Variants in DKK3 observed in about 807,000 individuals in gnomAD.
DKK3 encodes the protein dickkopf Wnt signaling pathway inhibitor 3.
A neutral mutation model predicts 33.2 loss-of-function variants in DKK3; 22 were observed. The ratio of observed to expected loss-of-function variants is 0.66; its 90% CI spans 0.47 to 0.95. DKK3 has a LOEUF of 0.95. DKK3 is among the 40% of genes least tolerant of loss of function. The pLI is 0.00. For missense variants in DKK3, 398 were observed against 458.4 expected (o/e 0.87, Z 1.20); for synonymous variants, 194 against 188.8 (o/e 1.03, Z -0.23).
At chr11:11,965,377 C>T (rs144457435) in intron 6 of DKK3, among the ~76,000 whole-genome samples, 1,628 of 152,320 alleles carry the variant, frequency 0.011, 28 homozygotes, top group African/African-American at 0.037. Flanking sequence ...AGGCTTGAGC[C>T]TCATGCCTCA....
upstream of DKK3, chr11:12,009,505 G>T: frequency 1.1e-6 from 1 of 932,438 alleles, no homozygotes; most frequent in African/African-American, 1.8e-5. Context: ...TCAGCGACCA[G>T]CTCTACCGAA....
At chr11:11,999,267 G>A (rs1311309169) in intron 2 of DKK3, among the ~76,000 whole-genome samples, 2 of 152,192 alleles carry the variant, frequency 1.3e-5, no homozygotes, top group Non-Finnish European at 2.9e-5. Flanking sequence ...TAAGTATAAT[G>A]AGAGACTTGT....
In DKK3 at chr11:11,964,684, T is replaced by C. The variant is rs779382266; in HGVS notation, c.833A>G (p.His278Arg). Residue 278 changes from histidine to arginine, a missense_variant and splice_region_variant, in exon 7 of 7, where the codon CAC (histidine) becomes CGC (arginine). His to Arg is a conservative substitution (Grantham distance 29). Transcript: ENST00000683431. ...ASGLLCQPHS[H>R]SLVYVCKPTF... ...CGGCTTGCACACATACACCAGGCTG[T>C]GGCTGGGGAGAGATGGGACAAAGCC... 19 of 1,613,092 alleles carry C rather than the reference T, an allele frequency of 1.2e-5. No individual in the cohort carries two copies. The highest frequency in any genetic ancestry group is 1.7e-5 in the Admixed American group (1 of 59,880).
At chr11:12,000,175 G>C (rs1294701847) in intron 2 of DKK3, among the ~76,000 whole-genome samples, 1 of 135,280 alleles carries the variant, frequency 7.4e-6, no homozygotes, top group Non-Finnish European at 1.6e-5. Flanking sequence ...CATAAGACTA[G>C]TGTTTTTTGT....
chr11:11,983,178 T>C (rs1277620315), intron 3 of DKK3, among the ~76,000 whole-genome samples: 3 of 152,242 alleles, frequency 2.0e-5, no homozygotes, highest in Non-Finnish European at 2.9e-5. Flanking sequence ...CCTTTTTAGA[T>C]GAGTCAGTGA....
chr11:11,985,545 A>G (rs1175848509), intron 3 of DKK3, among the ~76,000 whole-genome samples: 1 of 152,206 alleles, frequency 6.6e-6, no homozygotes, highest in African/African-American at 2.4e-5. Flanking sequence ...CCACCATCTG[A>G]TCATTTTGCA....
intron 1 of DKK3, among the ~76,000 whole-genome samples, chr11:12,002,880 A>G (rs1166245631): frequency 1.3e-5 from 2 of 152,170 alleles, no homozygotes; most frequent in African/African-American, 4.8e-5. Context: ...GTCTCTCTCT[A>G]AGGGCATTCT....
At chr11:11,969,752 C>G (rs543291485) in intron 3 of DKK3, among the ~76,000 whole-genome samples, 1 of 152,328 alleles carries the variant, frequency 6.6e-6, no homozygotes, top group South Asian at 2.1e-4. Flanking sequence ...GCAGCTGCCT[C>G]CAGTCCCCTT....
chr11:11,989,157 T>C (rs113640702), intron 3 of DKK3, among the ~76,000 whole-genome samples: 5 of 152,174 alleles, frequency 3.3e-5, no homozygotes, highest in African/African-American at 9.7e-5. Context: ...CTCAGAACAT[T>C]AAAAATAGAA....
intron 3 of DKK3, among the ~76,000 whole-genome samples, chr11:11,982,837 T>C (rs995388427): frequency 1.3e-5 from 2 of 152,196 alleles, no homozygotes; most frequent in African/African-American, 2.4e-5. Flanking sequence ...CCCCTTTCTC[T>C]CAAACACGGC....
intron 2 of DKK3, among the ~76,000 whole-genome samples, chr11:11,999,473 A>G (rs896984028): frequency 2.0e-5 from 3 of 152,232 alleles, no homozygotes; most frequent in Admixed American, 6.5e-5. Context: ...TACTAAAAAT[A>G]CAAAATTTAG....
chr11:11,974,862 C>T (rs1847799196), intron 3 of DKK3, among the ~76,000 whole-genome samples: 2 of 151,948 alleles, frequency 1.3e-5, no homozygotes, highest in Admixed American at 1.3e-4. Flanking sequence ...CAAGATCGCA[C>T]CACTGCACTC....
intron 3 of DKK3, among the ~76,000 whole-genome samples, chr11:11,988,519 C>T (rs117065199): frequency 1.4e-4 from 21 of 152,298 alleles, no homozygotes; most frequent in South Asian, 8.3e-4. Flanking sequence ...GCCTACCTCC[C>T]GGGAAGCCCT....
At chr11:12,007,574 A>G (rs941166689) in intron 1 of DKK3, among the ~76,000 whole-genome samples, 6 of 152,248 alleles carry the variant, frequency 3.9e-5, no homozygotes, top group African/African-American at 1.4e-4. Flanking sequence ...GGCAGAAGCT[A>G]GGCAAAGCTT....
At chr11:11,989,694 C>T (rs1332140350) in intron 3 of DKK3, among the ~76,000 whole-genome samples, 2 of 152,106 alleles carry the variant, frequency 1.3e-5, no homozygotes, top group African/African-American at 4.8e-5. Flanking sequence ...TTATATGTGT[C>T]AACATTGTTA....
In DKK3 at chr11:11,964,540, C is replaced by A; in HGVS notation, c.977G>T (p.Arg326Met). 1 of 1,614,140 alleles carries A rather than the reference C, an allele frequency of 6.2e-7. No homozygotes were observed. The highest frequency in any genetic ancestry group is 8.5e-7 in the Non-Finnish European group (1 of 1,180,008). The change falls in exon 7 of 7, where the codon AGG becomes ATG. Residue 326 changes from arginine (R) to methionine (M), a missense_variant. By Grantham distance (91) the Arg-to-Met change is moderately conservative. Coordinates refer to ENST00000683431, the MANE Select transcript of DKK3 (RefSeq NM_001018057.2). The part of the protein sequence containing the change: ...EVRQELEDLE[R>M]SLTEEMALRE... ...CAGCGCCATCTCTTCAGTCAGGCTC[C>A]TCTCCAGGTCCTCCAGCTCCTGGCG...
intron 3 of DKK3, among the ~76,000 whole-genome samples, chr11:11,972,126 A>T (rs1377745588): frequency 6.6e-6 from 1 of 152,162 alleles, no homozygotes; most frequent in Non-Finnish European, 1.5e-5. Context: ...CAGCTGTGAA[A>T]CCTTGGGCTG....
intron 3 of DKK3, among the ~76,000 whole-genome samples, chr11:11,984,977 G>T (rs542515875): frequency 6.6e-6 from 1 of 152,170 alleles, no homozygotes; most frequent in Non-Finnish European, 1.5e-5. Context: ...AATGAGCCTG[G>T]GAAAAACTTT....
intron 4 of DKK3, among the ~76,000 whole-genome samples, chr11:11,967,623 C>T (rs910331347): frequency 7.2e-5 from 11 of 152,240 alleles, no homozygotes; most frequent in Admixed American, 7.2e-4. Flanking sequence ...ACAGCAGTGG[C>T]CTCACCACAG....
Sources: gnomAD v4.1 joint callset for allele counts (sites outside exome capture counted in the v4.1 genomes callset) on GRCh38, gnomAD v4.1.1 for gene constraint, MANE v1.5 for transcripts, NCBI Gene and HGNC (gene_info 2026-07-23, HGNC 2026-07-21) for gene names.